The following MMP16 variants were observed in gnomAD, a reference collection of about 807,000 sequenced individuals.
MMP16 encodes the protein matrix metallopeptidase 16, also known as matrix metalloproteinase-16.
In MMP16, 12 loss-of-function variants were observed where a neutral mutation model predicts 67.8. The ratio of observed to expected loss-of-function variants is 0.18; its 90% confidence interval spans 0.11 to 0.29. The LOEUF (loss-of-function observed/expected upper bound fraction) is 0.29. Ranked by LOEUF, MMP16 falls within the 10% of genes least tolerant of loss-of-function variation. The pLI, the probability that MMP16 is intolerant of heterozygous loss-of-function variation, is 1.00. For missense variants in MMP16, 475 were observed against 765.7 expected, an observed-to-expected ratio of 0.62 and a Z score of 4.48; for synonymous variants, 249 against 255.9, an observed-to-expected ratio of 0.97 and a Z score of 0.26.
At chr8:88,062,091 T>C (rs947566321) in intron 7 of MMP16, among the ~76,000 whole-genome samples, 18 of 152,084 alleles carry the variant, frequency 1.2e-4, no homozygotes, top group African/African-American at 3.9e-4. Flanking sequence ...TCAATAATAA[T>C]TATGAGTGAT....
rs2129977771 is a variant in MMP16 at position 88,273,477 on chromosome 8, GCA to G, written c.132+53596_132+53597del. On this transcript the variant is annotated intron_variant, in intron 1 of 9. Transcript: ENST00000286614. ...ATGCCATTTCACTCTGGTTAATCTTGCACAGAGTGATATATCATATATCAATT... is the reference window on the plus strand; with the variant it reads ...ATGCCATTTCACTCTGGTTAATCTTGCAGAGTGATATATCATATATCAATT... Among the ~76,000 whole-genome samples the G allele has an allele frequency of 1.3e-5, 2 of 152,140 alleles. 1 individual carries two copies. Among genetic ancestry groups the G allele is most frequent in the East Asian group, 3.9e-4 (2 of 5,178 alleles).
intron 3 of MMP16, 42 bp from the exon 4 acceptor site, chr8:88,168,015 A>G (rs1000687288): frequency 6.8e-7 from 1 of 1,461,740 alleles, no homozygotes; most frequent in Non-Finnish European, 9.3e-7. Flanking sequence ...GTTATGTATA[A>G]GCTAACTTAG....
intron 1 of MMP16, among the ~76,000 whole-genome samples, chr8:88,239,353 T>C (rs562895153): frequency 2.6e-5 from 4 of 151,768 alleles, no homozygotes; most frequent in African/African-American, 9.7e-5. Flanking sequence ...TTTTCACTTT[T>C]AAAAAACAGG....
chr8:88,308,626 C>A (rs761689899), intron 1 of MMP16, among the ~76,000 whole-genome samples: 3 of 151,926 alleles, frequency 2.0e-5, no homozygotes, highest in Non-Finnish European at 4.4e-5. Flanking sequence ...GGGTTAGATT[C>A]CAGTTTCCTT....
intron 6 of MMP16, among the ~76,000 whole-genome samples, chr8:88,075,447 C>T (rs1407259061): frequency 6.6e-6 from 1 of 151,996 alleles, no homozygotes; most frequent in African/African-American, 2.4e-5. Flanking sequence ...ATGGCTTGAC[C>T]CATAGCAGGT....
intron 1 of MMP16, among the ~76,000 whole-genome samples, chr8:88,292,018 G>A (rs1489183204): frequency 1.3e-5 from 2 of 152,146 alleles, no homozygotes; most frequent in Non-Finnish European, 2.9e-5. Context: ...AGTATTTTGA[G>A]GAGATATTAT....
intron 6 of MMP16, among the ~76,000 whole-genome samples, chr8:88,075,938 T>TACACACACACACACACACACACACAC (rs71556442): frequency 7.1e-6 from 1 of 140,410 alleles, no homozygotes; most frequent in East Asian, 2.2e-4. Context: ...CATATATTCA[T>TACACACACACACACACACACACACAC]ACACACACAC....
chr8:88,119,724 T>C lies in MMP16; in HGVS notation c.710-863A>G, dbSNP rs183490017. ...GGAGAAAAAGGTGGTCTTACATCTA[T>C]ATTTTTAATGCTAAAAATTTACTTG... On this transcript the variant is annotated intron_variant, in intron 4 of 9. Coordinates refer to ENST00000286614, the MANE Select transcript of MMP16 (RefSeq NM_005941.5). 1.3e-5 allele frequency among the ~76,000 whole-genome samples: 2 copies of C among 152,236 alleles called. 1 individual carries two copies. The highest frequency in any genetic ancestry group is 3.9e-4 in the East Asian group (2 of 5,154).
At chr8:88,244,991 T>C (rs13254702) in intron 1 of MMP16, among the ~76,000 whole-genome samples, 5,085 of 152,162 alleles carry the variant, frequency 0.033, 115 homozygotes, top group Middle Eastern at 0.068. Flanking sequence ...ACATAGAAAT[T>C]GAGGTCGGGT....
intron 1 of MMP16, among the ~76,000 whole-genome samples, chr8:88,263,933 G>A (rs1251922551): frequency 6.6e-6 from 1 of 151,094 alleles, no homozygotes; most frequent in South Asian, 2.1e-4. Flanking sequence ...CTTTTTGGCC[G>A]CAACCTCCCT....
chr8:88,138,462 C>T (rs1167550672), intron 4 of MMP16, among the ~76,000 whole-genome samples: 1 of 151,938 alleles, frequency 6.6e-6, no homozygotes. Flanking sequence ...AGATTTTCAT[C>T]CAGTGCAGGC....
At chr8:88,118,362 GT>G (rs72074734) in intron 5 of MMP16, among the ~76,000 whole-genome samples, 7,079 of 150,628 alleles carry the variant, frequency 0.047, 365 homozygotes, top group East Asian at 0.2. Context: ...ATTTTTCCTT[GT>G]TTTTTTTTGT....
intron 1 of MMP16, among the ~76,000 whole-genome samples, chr8:88,289,020 G>T (rs1430804214): frequency 6.6e-6 from 1 of 152,158 alleles, no homozygotes; most frequent in East Asian, 1.9e-4. Context: ...AGATAAAGGG[G>T]ATCACAGAGG....
chr8:88,242,622 A>G (rs982137655), intron 1 of MMP16, among the ~76,000 whole-genome samples: 3 of 152,216 alleles, frequency 2.0e-5, no homozygotes, highest in Non-Finnish European at 4.4e-5. Flanking sequence ...ACTTACACTG[A>G]GTCACAGTAA....
chr8:88,147,771 ATG>A (rs1362576619), intron 4 of MMP16, among the ~76,000 whole-genome samples: 2 of 136,690 alleles, frequency 1.5e-5, no homozygotes, highest in Non-Finnish European at 3.3e-5. Context: ...ACTATAAAAT[ATG>A]TGTTTGTGTG....
At chr8:88,271,288 T>C (rs888681319) in intron 1 of MMP16, among the ~76,000 whole-genome samples, 1 of 152,236 alleles carries the variant, frequency 6.6e-6, no homozygotes, top group South Asian at 2.1e-4. Flanking sequence ...CACTGATGGA[T>C]TCTTGATGTG....
chr8:88,123,389 A>G (rs1306568040), intron 4 of MMP16, among the ~76,000 whole-genome samples: 1 of 151,788 alleles, frequency 6.6e-6, no homozygotes, highest in Non-Finnish European at 1.5e-5. Flanking sequence ...TAGATGTATC[A>G]TCTATTTTCT....
At chr8:88,068,150 T>A (rs1479497191) in intron 7 of MMP16, among the ~76,000 whole-genome samples, 1 of 152,140 alleles carries the variant, frequency 6.6e-6, no homozygotes, top group Non-Finnish European at 1.5e-5. Context: ...AATTTACATT[T>A]CCCTAATGAC....
rs1808136511 is a variant in MMP16, at chr8:88,041,822, A to T, written c.1490-27T>A. On this transcript the variant is annotated intron_variant, in intron 9 of 9. Coordinates refer to ENST00000286614, the MANE Select transcript of MMP16 (RefSeq NM_005941.5). The surrounding 1 kb of genome is among the most constrained non-coding windows in gnomAD (Gnocchi z 6.0). ...TAGGGGGAAAAACATACACACACAC[A>T]GGTACCACTTATTTGTGACAGTGTA... 4 of 1,501,532 alleles carry T rather than the reference A, an allele frequency of 2.7e-6. 1 individual carries two copies. The Admixed American group carries it at 7.0e-5, about 26-fold the overall frequency. 93.0% of individuals were successfully genotyped at this position (1,501,532 alleles called of 1,614,324 possible).
Sources: allele counts gnomAD v4.1 joint callset (sites outside exome capture counted in the v4.1 genomes callset), GRCh38; gene constraint gnomAD v4.1.1; non-coding constraint Gnocchi (gnomAD v3.1); transcripts MANE v1.5; gene names NCBI Gene and HGNC (gene_info 2026-07-23, HGNC 2026-07-21).